Variants in CC2D2A observed in about 807,000 individuals in gnomAD.
The protein encoded by CC2D2A is coiled-coil and C2 domain-containing protein 2A.
CC2D2A carries 155 observed loss-of-function variants against 212.9 expected under a neutral mutation model. The observed-to-expected ratio is 0.73, with a 90% CI of 0.64 to 0.83. The LOEUF (loss-of-function observed/expected upper bound fraction) is 0.83, where lower values mean the gene tolerates loss of function less well. Among genes scored for constraint, CC2D2A ranks in the 40% least tolerant of loss-of-function variants. CC2D2A has a pLI of 0.00. For missense variants in CC2D2A, 1,856 were observed against 1,956.2 expected, an observed-to-expected ratio of 0.95 and a Z score of 0.97; for synonymous variants, 667 against 686.5, an observed-to-expected ratio of 0.97 and a Z score of 0.44.
chr4:15,539,277 G>A (rs958651575), intron 16 of CC2D2A, among the ~76,000 whole-genome samples: 1 of 152,132 alleles, frequency 6.6e-6, no homozygotes, highest in Non-Finnish European at 1.5e-5. Flanking sequence ...TGATTCTGAT[G>A]CATGTTATGG....
intron 1 of CC2D2A, among the ~76,000 whole-genome samples, chr4:15,471,666 T>A (rs1187469619): frequency 6.6e-6 from 1 of 150,904 alleles, no homozygotes; most frequent in Non-Finnish European, 1.5e-5. Context: ...AGGGAGGGCA[T>A]TGTTCCAAGA....
At chr4:15,530,737 G>T (rs1215935697) in intron 13 of CC2D2A, among the ~76,000 whole-genome samples, 3 of 151,722 alleles carry the variant, frequency 2.0e-5, no homozygotes, top group Admixed American at 6.6e-5. Flanking sequence ...TAAGCAGATG[G>T]TCTATTGCTG....
At chr4:15,596,594 C>CAGT (rs1721332876) in intron 34 of CC2D2A, among the ~76,000 whole-genome samples, 1 of 152,026 alleles carries the variant, frequency 6.6e-6, no homozygotes, top group South Asian at 2.1e-4. Flanking sequence ...GGGTCCTGAC[C>CAGT]AGTAGTAGAT....
rs1560200281 is a variant in CC2D2A at position 15,598,232 on chromosome 4, GTCCA to G, written c.4496+769_4496+772del. Reference sequence around the variant, plus strand: ...CCAATATTAAAATGCCTGACAATTCGTCCATACTTTCGTGCGCAGACCATCTTGA... The same window carrying G: ...CCAATATTAAAATGCCTGACAATTCGTACTTTCGTGCGCAGACCATCTTGA... On this transcript the variant is annotated intron_variant, in intron 35 of 36. Transcript: ENST00000424120. 8.6e-5 allele frequency among the ~76,000 whole-genome samples: 13 copies of G among 152,038 alleles called. No individual in the cohort carries two copies. The East Asian group carries it at 1.2e-3, about 14-fold the overall frequency.
In CC2D2A at chr4:15,587,940, A is replaced by T. The variant is rs1264872963; in HGVS notation, c.4179+11A>T. ...AATGCTATTCCTGAGGTAAGACCAC[A>T]TAGGCTGCCTTTAACAGAGGAGTAT... On this transcript the variant is annotated intron_variant, in intron 32 of 36. Coordinates refer to ENST00000424120, the MANE Select transcript of CC2D2A (RefSeq NM_001378615.1). 3 of 1,489,170 alleles carry T rather than the reference A, an allele frequency of 2.0e-6. No individual in the cohort carries two copies. The East Asian group carries it at 6.8e-5, about 34-fold the overall frequency. The allele number at this position is 1,489,170 out of a possible 1,614,324, so 92.2% of individuals were successfully genotyped here.
intron 3 of CC2D2A, 90 bp from the exon 4 acceptor site, chr4:15,480,614 G>C (rs1714567866): frequency 2.1e-6 from 3 of 1,434,954 alleles, no homozygotes; most frequent in Non-Finnish European, 2.8e-6. Context: ...ACTAAGGCCT[G>C]TCCCCTCACT....
At chr4:15,572,911 T>C (rs1720233070) in intron 28 of CC2D2A, among the ~76,000 whole-genome samples, 1 of 152,058 alleles carries the variant, frequency 6.6e-6, no homozygotes, top group African/African-American at 2.4e-5. Flanking sequence ...ACTGAAGAAC[T>C]TGGAGTCTAA....
intron 11 of CC2D2A, among the ~76,000 whole-genome samples, chr4:15,526,784 T>G (rs912789631): frequency 2.0e-5 from 3 of 152,180 alleles, no homozygotes; most frequent in African/African-American, 7.2e-5. Context: ...ATCTTGAGGA[T>G]TTTAAGGAAG....
intron 4 of CC2D2A, among the ~76,000 whole-genome samples, chr4:15,487,759 A>G (rs1249180419): frequency 6.7e-6 from 1 of 149,094 alleles, no homozygotes; most frequent in Admixed American, 6.7e-5. Context: ...TTCTTAGTGT[A>G]TAAGTGATTT....
chr4:15,502,749 C>A, intron 5 of CC2D2A, 73 bp from the exon 6 acceptor site: 1 of 1,283,244 alleles, frequency 7.8e-7, no homozygotes, highest in Non-Finnish European at 1.1e-6. Context: ...AGAAGGATAG[C>A]ATGTATTTTT....
In CC2D2A at chr4:15,591,942, A is replaced by G. The variant is rs188745536; in HGVS notation, c.4314+2263A>G. ...TCTCTGAGATGGGTAATAGTAGCTT[A>G]TGATGTTGTGCATCCCCCATTGTAG... On this transcript the variant is annotated intron_variant, in intron 33 of 36. Transcript: ENST00000424120. Among the ~76,000 whole-genome samples, 216 of 152,318 alleles carry G rather than the reference A, an allele frequency of 1.4e-3. 2 individuals are homozygous for G. The highest frequency in any genetic ancestry group is 2.6e-3 in the Non-Finnish European group (178 of 68,028).
At chr4:15,565,992 T>C (rs1719864264) in intron 24 of CC2D2A, among the ~76,000 whole-genome samples, 1 of 152,230 alleles carries the variant, frequency 6.6e-6, no homozygotes, top group Non-Finnish European at 1.5e-5. Context: ...CATTAAATGT[T>C]CCAATTACCT....
Position 15,540,858 on chromosome 4 carries a change from G to T in CC2D2A, c.2025G>T (p.Glu675Asp), listed in dbSNP as rs756383263. ...QCPRAEVSRREDVKKRSVYLK... is the reference protein window; with the variant it reads ...QCPRAEVSRRDDVKKRSVYLK... The stretch of plus-strand genomic sequence containing the variant: ...GCAGAGCGGAGGTCTCGAGAAGGGA[G>T]GATGTAAAGAAGCGCTCAGTGTACT... Residue 675 changes from glutamate (E) to aspartate (D), a missense_variant, in exon 17 of 37, where the codon GAG becomes GAT. Transcript: ENST00000424120. The T allele has an allele frequency of 3.1e-6, 5 of 1,600,868 alleles. No individual in the cohort carries two copies. The highest frequency in any genetic ancestry group is 4.5e-5 in the East Asian group (2 of 44,458).
At chr4:15,510,006 TGC>T (rs1716474544) in intron 6 of CC2D2A, 131 bp from the exon 7 acceptor site, 7 of 684,556 alleles carry the variant, frequency 1.0e-5, no homozygotes, top group Non-Finnish European at 1.8e-5. Flanking sequence ...CAGCATTCCA[TGC>T]CTTAGGAATG....
chr4:15,567,673 T>G lies in CC2D2A; in HGVS notation c.3289-4T>G. Reference sequence around the variant, plus strand: ...GGAACTCAGAATTTGCTCTTGATTTTAAGGTTTTAGTACGTCCCTTTGTAG... The same window carrying G: ...GGAACTCAGAATTTGCTCTTGATTTGAAGGTTTTAGTACGTCCCTTTGTAG... On this transcript the variant is annotated splice_polypyrimidine_tract_variant and splice_region_variant and intron_variant, in intron 25 of 36. Transcript: ENST00000424120. 1 of 1,588,212 alleles carries G rather than the reference T, an allele frequency of 6.3e-7. No individual in the cohort carries two copies. Among genetic ancestry groups the G allele is most frequent in the Non-Finnish European group, 8.5e-7 (1 of 1,171,306 alleles).
intron 29 of CC2D2A, among the ~76,000 whole-genome samples, chr4:15,575,355 A>T (rs1249644981): frequency 6.6e-6 from 1 of 152,168 alleles, no homozygotes; most frequent in Non-Finnish European, 1.5e-5. Flanking sequence ...CTGACTCTAA[A>T]CTGTACATAT....
rs1409153766 is a variant in CC2D2A at position 15,574,165 on chromosome 4, A to C, written c.3610A>C (p.Lys1204Gln). ...YFQARIDGTFKIDIPPVLLGY... is the reference protein window; with the variant it reads ...YFQARIDGTFQIDIPPVLLGY... ...TTCTTCACAGATTGATGGAACATTT[A>C]AAATAGATATTCCCCCAGTTCTTCT... Residue 1204 changes from lysine to glutamine, a missense_variant, in exon 29 of 37, where the codon AAA (lysine) becomes CAA (glutamine). Lys to Gln is a moderately conservative substitution (Grantham distance 53). Transcript: ENST00000424120. 2.6e-6 allele frequency: 4 copies of C among 1,545,778 alleles called. No homozygotes were observed. The highest frequency in any genetic ancestry group is 1.7e-6 in the Non-Finnish European group (2 of 1,144,866).
intron 14 of CC2D2A, chr4:15,533,548 G>A (rs1004686136): frequency 2.6e-6 from 1 of 379,252 alleles, no homozygotes; most frequent in African/African-American, 2.1e-5. Flanking sequence ...TGTGATCATT[G>A]TTTTCTTGCT....
intron 6 of CC2D2A, among the ~76,000 whole-genome samples, chr4:15,503,565 G>T (rs1716090947): frequency 6.6e-6 from 1 of 152,156 alleles, no homozygotes; most frequent in Non-Finnish European, 1.5e-5. Flanking sequence ...AGCATTGCTG[G>T]ATCCATGGAT....
Sources: gnomAD v4.1 joint callset for allele counts (sites outside exome capture counted in the v4.1 genomes callset) on GRCh38, gnomAD v4.1.1 for gene constraint, MANE v1.5 for transcripts, NCBI Gene and HGNC (gene_info 2026-07-23, HGNC 2026-07-21) for gene names.